Variants in FOCAD observed in about 807,000 individuals in gnomAD.
FOCAD encodes the protein KIAA1797.
In FOCAD, 198 loss-of-function variants were observed where a neutral mutation model predicts 225.6. That is an observed-to-expected ratio of 0.88 (90% CI 0.78 to 0.99). The LOEUF (loss-of-function observed/expected upper bound fraction) is 0.99. FOCAD is among the 50% of genes least tolerant of loss of function. The pLI is 0.00. For missense variants in FOCAD, 2,713 were observed against 2,123.6 expected (o/e 1.28, Z -5.46); for synonymous variants, 897 against 755.0 (o/e 1.19, Z -3.08).
chr9:20,923,600 CTT>C, intron 24 of FOCAD, 58 bp from the exon 25 acceptor site: 1 of 1,342,532 alleles, frequency 7.4e-7, no homozygotes. Context: ...TATATTAGCT[CTT>C]TCTCTTCTTC....
chr9:20,920,945 C>A lies in FOCAD; in HGVS notation c.2853-2715C>A, dbSNP rs1188645477. 2.7e-5 allele frequency among the ~76,000 whole-genome samples: 4 copies of A among 147,810 alleles called. No individual in the cohort carries two copies. The Admixed American group carries it at 2.7e-4, about 10-fold the overall frequency. On this transcript the variant is annotated intron_variant, in intron 24 of 43. Coordinates refer to ENST00000338382, the MANE Select transcript of FOCAD (RefSeq NM_001375567.1). ...AACCTGCACATTGTGCACATGTACC[C>A]TAAAACTTAAAGTATAATAATAATA...
chr9:20,689,028 T>C (rs1563878007), intron 1 of FOCAD, among the ~76,000 whole-genome samples: 1 of 152,182 alleles, frequency 6.6e-6, no homozygotes, highest in East Asian at 1.9e-4. Context: ...ATGTGAAGTT[T>C]AGACTGGATA....
intron 22 of FOCAD, among the ~76,000 whole-genome samples, chr9:20,911,277 G>A (rs987373117): frequency 1.3e-5 from 2 of 152,084 alleles, no homozygotes; most frequent in Admixed American, 1.3e-4. Context: ...TATGAAGGAT[G>A]TGAATACAGT....
At chr9:20,945,445 C>G (rs909822710) in intron 29 of FOCAD, among the ~76,000 whole-genome samples, 9 of 152,172 alleles carry the variant, frequency 5.9e-5, no homozygotes. Context: ...AGAACAGATT[C>G]TATTTTATCC....
At chr9:20,800,205 G>C (rs1821637968) in intron 11 of FOCAD, among the ~76,000 whole-genome samples, 1 of 152,114 alleles carries the variant, frequency 6.6e-6, no homozygotes, top group Admixed American at 6.5e-5. Flanking sequence ...TAGAGTTTCT[G>C]CTGAGAGATC....
chr9:20,920,739 T>C (rs995629273), intron 24 of FOCAD, among the ~76,000 whole-genome samples: 1 of 151,890 alleles, frequency 6.6e-6, no homozygotes, highest in Non-Finnish European at 1.5e-5. Context: ...CGCATGTTCT[T>C]ACTCATAGGT....
At chr9:20,909,748 G>A (rs1303530214) in intron 22 of FOCAD, among the ~76,000 whole-genome samples, 1 of 152,064 alleles carries the variant, frequency 6.6e-6, no homozygotes, top group East Asian at 1.9e-4. Flanking sequence ...ATGCATTTAT[G>A]CTTAAACAAG....
At chr9:20,690,654 T>C (rs1216668505) in intron 1 of FOCAD, among the ~76,000 whole-genome samples, 1 of 152,164 alleles carries the variant, frequency 6.6e-6, no homozygotes, top group East Asian at 1.9e-4. Context: ...GCTCAAGTGG[T>C]ACTTCTGCCT....
intron 19 of FOCAD, chr9:20,875,936 G>C (rs1830188881): frequency 6.6e-6 from 1 of 152,144 alleles, no homozygotes; most frequent in Admixed American, 6.5e-5. Context: ...TTCTGGAAAT[G>C]AAGTTCAATC....
intron 5 of FOCAD, among the ~76,000 whole-genome samples, chr9:20,748,399 T>C (rs1249285263): frequency 6.6e-6 from 1 of 152,080 alleles, no homozygotes; most frequent in African/African-American, 2.4e-5. Context: ...AATTTACTGG[T>C]ATGTAGCCTT....
Position 20,698,962 on chromosome 9 carries a change from T to A in FOCAD, c.-33+14669T>A, listed in dbSNP as rs534568614. 4.6e-5 allele frequency among the ~76,000 whole-genome samples: 7 copies of A among 152,322 alleles called. No homozygotes were observed. The South Asian group carries it at 1.5e-3, about 32-fold the overall frequency. ...CACTTTGGGATATAGCCAAGAAGTG[T>A]CAGATAGTAAGATCAAATGCTCAGG... On this transcript the variant is annotated intron_variant, in intron 1 of 43. Transcript: ENST00000338382.
At chr9:20,694,055 C>T (rs1823146851) in intron 1 of FOCAD, among the ~76,000 whole-genome samples, 1 of 152,158 alleles carries the variant, frequency 6.6e-6, no homozygotes, top group South Asian at 2.1e-4. Flanking sequence ...AGTATTCTTC[C>T]ACATCCAGAC....
intron 15 of FOCAD, among the ~76,000 whole-genome samples, chr9:20,854,109 T>G (rs2131637273): frequency 6.6e-6 from 1 of 151,790 alleles, no homozygotes; most frequent in Admixed American, 6.6e-5. Flanking sequence ...AGCCTAAAGG[T>G]TTTTTATAAA....
intron 2 of FOCAD, among the ~76,000 whole-genome samples, chr9:20,677,073 C>T (rs554625138): frequency 6.6e-6 from 1 of 151,978 alleles, no homozygotes; most frequent in Non-Finnish European, 1.5e-5. Flanking sequence ...AGAGAGCCCA[C>T]GAATAAATCT....
intron 15 of FOCAD, among the ~76,000 whole-genome samples, chr9:20,832,317 C>A (rs966226929): frequency 3.3e-5 from 5 of 152,044 alleles, no homozygotes; most frequent in Non-Finnish European, 5.9e-5. Context: ...TACTTTTCTT[C>A]TGTTCTCCCC....
rs140277561 is a variant in FOCAD at position 20,884,776 on chromosome 9, T to C, written c.2504-333T>C. On this transcript the variant is annotated intron_variant, in intron 20 of 43. Transcript: ENST00000338382. ...AAAGTTTTTCCATAAGAAATGTCTT[T>C]GTAAGCTGGGCGCGGTGGCTCACAC... Among the ~76,000 whole-genome samples, 31 of 152,074 alleles carry C rather than the reference T, an allele frequency of 2.0e-4. No homozygotes were observed. The East Asian group carries it at 5.4e-3, about 27-fold the overall frequency.
chr9:20,979,042 C>T (rs920559546), intron 37 of FOCAD, among the ~76,000 whole-genome samples: 2 of 152,112 alleles, frequency 1.3e-5, no homozygotes, highest in Non-Finnish European at 2.9e-5. Flanking sequence ...GGGGCTAGCA[C>T]CTTTCACGTA....
chr9:20,958,965 G>A (rs1232253230), intron 35 of FOCAD, among the ~76,000 whole-genome samples: 2 of 152,084 alleles, frequency 1.3e-5, no homozygotes, highest in Non-Finnish European at 1.5e-5. Context: ...TTTATTCCAT[G>A]TCATGGCTAT....
intron 2 of FOCAD, among the ~76,000 whole-genome samples, chr9:20,662,000 G>C (rs1821742268): frequency 6.6e-6 from 1 of 152,196 alleles, no homozygotes; most frequent in South Asian, 2.1e-4. Flanking sequence ...AACAGTGGTA[G>C]AGTATGCACC....
Sources: allele counts gnomAD v4.1 joint callset (sites outside exome capture counted in the v4.1 genomes callset), GRCh38; gene constraint gnomAD v4.1.1; transcripts MANE v1.5; gene names NCBI Gene and HGNC (gene_info 2026-07-23, HGNC 2026-07-21).